The following AKAP11 variants were observed in gnomAD, a reference collection of about 807,000 sequenced individuals.
AKAP11 encodes the protein A-kinase anchor protein 11.
AKAP11 carries 36 observed loss-of-function variants against 146.1 expected under a neutral mutation model. The observed-to-expected ratio is 0.25, with a 90% CI of 0.19 to 0.33. The LOEUF (loss-of-function observed/expected upper bound fraction) is 0.33, where lower values mean the gene tolerates loss of function less well. AKAP11 is among the 10% of genes least tolerant of loss of function. The pLI is 1.00. For synonymous variants in AKAP11, 780 were observed against 786.5 expected, an observed-to-expected ratio of 0.99 and a Z score of 0.14; for missense variants, 2,201 against 2,197.0, an observed-to-expected ratio of 1.00 and a Z score of -0.04.
intron 11 of AKAP11, among the ~76,000 whole-genome samples, chr13:42,314,194 C>T (rs532452876): frequency 4.6e-5 from 7 of 152,254 alleles, no homozygotes; most frequent in Admixed American, 4.6e-4. Flanking sequence ...CCTATAATCC[C>T]AGCATTTTGG....
In AKAP11 at chr13:42,300,289, A is replaced by G. The variant is rs146646278; in HGVS notation, c.1543A>G (p.Ile515Val). 3.3e-4 allele frequency: 531 copies of G among 1,613,460 alleles called. 2 individuals are homozygous for G. The African/African-American group carries it at 6.2e-3, about 19-fold the overall frequency. The stretch of plus-strand genomic sequence containing the variant: ...CCACCATACTAATACCCTATCAAAT[A>G]TTAACAGTATTAAACATGGAGAAAA... ...RTHHTNTLSN[I>V]NSIKHGENKT... The change falls in exon 8 of 13, where the codon ATT (isoleucine) becomes GTT (valine). Residue 515 changes from isoleucine (I) to valine (V), a missense_variant. Physicochemically the swap from Ile to Val is conservative, Grantham distance 29 (BLOSUM62 3). Around this residue, in one of 3 missense-constraint regions of AKAP11, gnomAD observed 1,867 missense variants for 1,833.5 expected, o/e 1.02. Transcript: ENST00000025301.
At chr13:42,317,436 GA>G in intron 11 of AKAP11, 91 bp from the exon 12 acceptor site, 1 of 1,325,480 alleles carries the variant, frequency 7.5e-7, no homozygotes, top group Admixed American at 2.4e-5. Context: ...AGAATCCTAA[GA>G]ACCAGAAAAT....
chr13:42,318,279 G>A (rs759576082), intron 12 of AKAP11, among the ~76,000 whole-genome samples: 1 of 152,156 alleles, frequency 6.6e-6, no homozygotes, highest in Non-Finnish European at 1.5e-5. Flanking sequence ...TGGGGTGGTA[G>A]AAATATTCGA....
At position 42,321,770 on chromosome 13, in the gene AKAP11, T is replaced by C. The variant is rs1961096519; in HGVS notation, c.*2542T>C. ...ACAAATTGGCTTGACATATTTATACTGTAACATTGTAATATTGCTGTGCTG... is the reference window on the plus strand; with the variant it reads ...ACAAATTGGCTTGACATATTTATACCGTAACATTGTAATATTGCTGTGCTG... On this transcript the variant is annotated 3_prime_UTR_variant, in exon 13 of 13. Coordinates refer to ENST00000025301, the MANE Select transcript of AKAP11 (RefSeq NM_016248.4). 6.6e-6 allele frequency: 1 copy of C among 152,324 alleles called. No individual in the cohort carries two copies. Among genetic ancestry groups the C allele is most frequent in the African/African-American group, 2.4e-5 (1 of 41,464 alleles). 9.4% of individuals were successfully genotyped at this position (152,324 alleles called of 1,614,324 possible).
chr13:42,302,713 C>T lies in AKAP11; in HGVS notation c.3967C>T (p.Pro1323Ser), dbSNP rs1231486808. The change falls in exon 8 of 13, where the codon CCA (proline) becomes TCA (serine). Residue 1323 changes from proline to serine, a missense_variant. Physicochemically the swap from Pro to Ser is moderately conservative, Grantham distance 74. Coordinates refer to ENST00000025301, the MANE Select transcript of AKAP11 (RefSeq NM_016248.4). ...AGTGGATCCGTTTATTCTTTCATTA[C>T]CACCAAGTTCTTGTATGTCAGGTCT... Reference protein sequence around the residue: ...REVDPFILSLPPSSCMSGLMY... With the variant: ...REVDPFILSLSPSSCMSGLMY... 6.8e-6 allele frequency: 11 copies of T among 1,613,768 alleles called. No homozygotes were observed. The highest frequency in any genetic ancestry group is 9.3e-6 in the Non-Finnish European group (11 of 1,179,982).
At chr13:42,283,987 T>C (rs1469480336) in intron 1 of AKAP11, among the ~76,000 whole-genome samples, 1 of 152,228 alleles carries the variant, frequency 6.6e-6, no homozygotes, top group Non-Finnish European at 1.5e-5. Context: ...AAAACCTTTA[T>C]GCACTGTAGA....
At chr13:42,288,090 C>T (rs1959180040) in intron 3 of AKAP11, among the ~76,000 whole-genome samples, 1 of 152,200 alleles carries the variant, frequency 6.6e-6, no homozygotes, top group African/African-American at 2.4e-5. Flanking sequence ...CACACACATA[C>T]ACCACCTTCT....
In AKAP11 at chr13:42,301,570, T is replaced by A; in HGVS notation, c.2824T>A (p.Leu942Ile). ...CAATAAGGACATGTTTGCTGACCGG[T>A]TATCTAAATCTATTATTAAACATTC... Reference protein sequence around the residue: ...SSNKDMFADRLSKSIIKHSID... With the variant: ...SSNKDMFADRISKSIIKHSID... The change falls in exon 8 of 13, where the codon TTA becomes ATA. Residue 942 changes from leucine (L) to isoleucine (I), a missense_variant. By Grantham distance (5) the Leu-to-Ile change is conservative. Transcript: ENST00000025301. The A allele has an allele frequency of 6.2e-7, 1 of 1,614,124 alleles. No homozygotes were observed. The highest frequency in any genetic ancestry group is 8.5e-7 in the Non-Finnish European group (1 of 1,179,992).
At chr13:42,291,345 C>A (rs1457385802) in intron 3 of AKAP11, among the ~76,000 whole-genome samples, 1 of 152,158 alleles carries the variant, frequency 6.6e-6, no homozygotes, top group Non-Finnish European at 1.5e-5. Flanking sequence ...CCCCACCTCC[C>A]AGGTTCAAGC....
At chr13:42,317,816 T>G in intron 12 of AKAP11, 128 bp downstream of exon 12, 1 of 1,068,534 alleles carries the variant, frequency 9.4e-7, no homozygotes, top group Non-Finnish European at 1.3e-6. Flanking sequence ...CAGTTTGGGT[T>G]CAGACATCAG....
In AKAP11 at chr13:42,300,180, T is replaced by C. The variant is rs1959776710; in HGVS notation, c.1434T>C (p.His478=). 2 of 1,613,940 alleles carry C rather than the reference T, an allele frequency of 1.2e-6. No homozygotes were observed. The highest frequency in any genetic ancestry group is 1.7e-6 in the Non-Finnish European group (2 of 1,179,864). ...CAGATATTGGTGGAGATAGGATTCA[T>C]GAAAATCATGATTCTGTTTATTACA... ...CQTDIGGDRI[H]ENHDSVYYTY... Residue 478 remains histidine (H), a synonymous_variant, in exon 8 of 13, where the codon CAT becomes CAC. Transcript: ENST00000025301.
Position 42,313,895 on chromosome 13 carries a change from G to A in AKAP11, c.5359G>A (p.Asp1787Asn). The stretch of plus-strand genomic sequence containing the variant: ...TGCTTCTGCTATTTTATTCATAAGT[G>A]ATGGACCAGATGATAAAGATGAAGA... ...DNLSFPTSDS[D>N]GPDDKDEEHE... The change falls in exon 11 of 13, where the codon GAT becomes AAT. Residue 1787 changes from aspartate (D) to asparagine (N), a missense_variant and splice_region_variant. Around this residue, in one of 3 missense-constraint regions of AKAP11, gnomAD observed 1,867 missense variants for 1,833.5 expected, o/e 1.02. Coordinates refer to ENST00000025301, the MANE Select transcript of AKAP11 (RefSeq NM_016248.4). 3 of 1,612,816 alleles carry A rather than the reference G, an allele frequency of 1.9e-6. No homozygotes were observed. Among genetic ancestry groups the A allele is most frequent in the Non-Finnish European group, 2.5e-6 (3 of 1,179,310 alleles).
rs768248255 is a variant in AKAP11 at position 42,282,260 on chromosome 13, C to CTT, written c.-99-3705_-99-3704dup. On this transcript the variant is annotated intron_variant, in intron 1 of 12. Transcript: ENST00000025301. Reference sequence around the variant, plus strand: ...CTGGGAGCCACTGTGCTAGGCCAGTCTTTTTTTTTTTTTTTTTTTTTTAAA... The same window carrying CTT: ...CTGGGAGCCACTGTGCTAGGCCAGTCTTTTTTTTTTTTTTTTTTTTTTTTAAA... 4.2e-3 allele frequency among the ~76,000 whole-genome samples: 467 copies of CTT among 112,362 alleles called. 8 individuals carry two copies. In the East Asian group the frequency reaches 0.052, roughly 13 times the overall value. 73.7% of individuals were successfully genotyped at this position (112,362 alleles called of 152,430 possible).
intron 1 of AKAP11, among the ~76,000 whole-genome samples, chr13:42,285,169 A>G (rs983981793): frequency 3.9e-5 from 6 of 152,284 alleles, no homozygotes; most frequent in African/African-American, 1.4e-4. Context: ...ATTTATGTTA[A>G]CCAAATGTCT....
intron 6 of AKAP11, among the ~76,000 whole-genome samples, chr13:42,298,285 A>G (rs980882215): frequency 1.3e-5 from 2 of 152,124 alleles, no homozygotes; most frequent in African/African-American, 4.8e-5. Flanking sequence ...AGTAAGTTTC[A>G]TAACATTTCA....
rs1394767005 is a variant in AKAP11 at position 42,322,956 on chromosome 13, A to G, written c.*3728A>G. On this transcript the variant is annotated 3_prime_UTR_variant, in exon 13 of 13. Coordinates refer to ENST00000025301, the MANE Select transcript of AKAP11 (RefSeq NM_016248.4). ...AAAGTAATCCACTTTCTTGTTTAAT[A>G]TACCAGATACATAGCAAAAGCAGCT... The G allele has an allele frequency of 6.5e-6, 1 of 152,744 alleles. No homozygotes were observed. Among genetic ancestry groups the G allele is most frequent in the Non-Finnish European group, 1.5e-5 (1 of 68,026 alleles). 9.5% of individuals were successfully genotyped at this position (152,744 alleles called of 1,614,324 possible). A position where few individuals can be genotyped will look rare whatever the true frequency, so the allele number is the denominator to read the frequency against.
At chr13:42,281,393 G>C (rs1426115997) in intron 1 of AKAP11, among the ~76,000 whole-genome samples, 1 of 152,114 alleles carries the variant, frequency 6.6e-6, no homozygotes, top group Admixed American at 6.6e-5. Context: ...ATGTGTACAG[G>C]TACTGAGGTT....
Position 42,290,632 on chromosome 13 carries a change from C to T in AKAP11, c.52-1753C>T, listed in dbSNP as rs1959198760. 3.3e-5 allele frequency among the ~76,000 whole-genome samples: 5 copies of T among 152,284 alleles called. No homozygotes were observed. In the South Asian group the frequency reaches 1.0e-3, roughly 32 times the overall value. On this transcript the variant is annotated intron_variant, in intron 3 of 12. Transcript: ENST00000025301. The stretch of plus-strand genomic sequence containing the variant: ...GGTAAAGGAGCTCCTCTGACTTTGT[C>T]TCTTTTAATGGACTCACAGATTTTT...
chr13:42,281,941 A>C (rs1413965250), intron 1 of AKAP11, among the ~76,000 whole-genome samples: 1 of 150,454 alleles, frequency 6.6e-6, no homozygotes. Context: ...ATATTTACAT[A>C]TGTGTGTCAG....
Sources: allele counts gnomAD v4.1 joint callset (sites outside exome capture counted in the v4.1 genomes callset), GRCh38; gene constraint gnomAD v4.1.1; regional missense constraint gnomAD v4.1.1; transcripts MANE v1.5; gene names NCBI Gene and HGNC (gene_info 2026-07-23, HGNC 2026-07-21).